GRIK2: variants seen among roughly 807,000 people sequenced by gnomAD.
GRIK2 encodes glutamate receptor ionotropic, kainate 2.
In GRIK2, 32 loss-of-function variants were observed where a neutral mutation model predicts 100.3. That is an observed-to-expected ratio of 0.32 (90% CI 0.24 to 0.43). GRIK2 has a LOEUF of 0.43. Among genes scored for constraint, GRIK2 ranks in the 20% least tolerant of loss-of-function variants. The probability of loss-of-function intolerance (pLI) is 1.00; values close to 1 mark genes in which losing one functional copy is unlikely to be tolerated. For synonymous variants in GRIK2, 417 were observed against 389.4 expected (o/e 1.07, Z -0.83); for missense variants, 843 against 1,114.9 (o/e 0.76, Z 3.47).
chr6:101,985,560 A>G (rs1446832180), intron 14 of GRIK2, among the ~76,000 whole-genome samples: 1 of 151,746 alleles, frequency 6.6e-6, no homozygotes, highest in Non-Finnish European at 1.5e-5. Context: ...AGCTTTGCTT[A>G]GTGAAGCACA....
At chr6:101,405,504 T>C (rs1238132626) in intron 2 of GRIK2, among the ~76,000 whole-genome samples, 1 of 152,230 alleles carries the variant, frequency 6.6e-6, no homozygotes, top group Non-Finnish European at 1.5e-5. Flanking sequence ...TTGGTATTTT[T>C]TCATATAAAG....
At chr6:101,947,536 G>A (rs1186407837) in intron 14 of GRIK2, among the ~76,000 whole-genome samples, 1 of 152,064 alleles carries the variant, frequency 6.6e-6, no homozygotes, top group Non-Finnish European at 1.5e-5. Flanking sequence ...CATGCTAATG[G>A]CATTCAGCTC....
intron 10 of GRIK2, among the ~76,000 whole-genome samples, chr6:101,850,115 G>T (rs542983378): frequency 6.6e-6 from 1 of 151,942 alleles, no homozygotes. Flanking sequence ...TCTCAAAAAC[G>T]TAGCCTGTGA....
chr6:101,974,215 C>T (rs1375135323), intron 14 of GRIK2, among the ~76,000 whole-genome samples: 1 of 151,202 alleles, frequency 6.6e-6, no homozygotes, highest in Non-Finnish European at 1.5e-5. Context: ...TTATAAAGTA[C>T]CAAACAAAAA....
intron 12 of GRIK2, among the ~76,000 whole-genome samples, chr6:101,901,824 A>C (rs569520444): frequency 2.8e-4 from 43 of 152,130 alleles, no homozygotes; most frequent in African/African-American, 1.0e-3. Context: ...CATATTACAA[A>C]TCAGTAGAAC....
At chr6:101,572,501 A>G (rs1234393353) in intron 2 of GRIK2, among the ~76,000 whole-genome samples, 1 of 152,122 alleles carries the variant, frequency 6.6e-6, no homozygotes, top group African/African-American at 2.4e-5. Flanking sequence ...TATGATTAAA[A>G]AGAGGGGAAC....
chr6:102,016,017 TTAAC>T (rs1337015723), intron 14 of GRIK2, among the ~76,000 whole-genome samples: 1 of 152,068 alleles, frequency 6.6e-6, no homozygotes, highest in Admixed American at 6.5e-5. Flanking sequence ...GGCAGCAACT[TTAAC>T]TACTGAAGGA....
At chr6:101,729,426 C>T (rs752251839) in intron 7 of GRIK2, among the ~76,000 whole-genome samples, 3 of 151,888 alleles carry the variant, frequency 2.0e-5, no homozygotes, top group African/African-American at 7.2e-5. Context: ...ATCATTGCAA[C>T]TCCTTGGCTA....
chr6:101,399,432 C>A, intron 2 of GRIK2, 40 bp downstream of exon 2: 4 of 990,316 alleles, frequency 4.0e-6, no homozygotes, highest in Non-Finnish European at 6.6e-6. Context: ...GGTATCCGCT[C>A]CCAGGCAGCC....
Position 101,742,497 on chromosome 6 carries a change from C to A in GRIK2, c.951+56144C>A, listed in dbSNP as rs181687580. Among the ~76,000 whole-genome samples the A allele has an allele frequency of 2.0e-5, 3 of 152,098 alleles. No homozygotes were observed. In the South Asian group the frequency reaches 6.2e-4, roughly 32 times the overall value. Reference sequence around the variant, plus strand: ...CAGCCCTTAAGAGGTCCTGAGAACACGTCCTCAAGGTGGTCGGGGTGCAGC... The same window carrying A: ...CAGCCCTTAAGAGGTCCTGAGAACAAGTCCTCAAGGTGGTCGGGGTGCAGC... On this transcript the variant is annotated intron_variant, in intron 7 of 16. Transcript: ENST00000369134.
intron 2 of GRIK2, among the ~76,000 whole-genome samples, chr6:101,545,495 GT>G (rs1350498084): frequency 6.6e-6 from 1 of 152,042 alleles, no homozygotes; most frequent in Admixed American, 6.6e-5. Context: ...AATACAGAGA[GT>G]TTTTTTGAAA....
chr6:101,794,632 T>C (rs1362108926), intron 7 of GRIK2, among the ~76,000 whole-genome samples: 1 of 151,904 alleles, frequency 6.6e-6, no homozygotes, highest in Non-Finnish European at 1.5e-5. Context: ...ATATCCTGAT[T>C]TTTTTTTCTT....
intron 11 of GRIK2, among the ~76,000 whole-genome samples, chr6:101,883,112 G>A (rs1786371771): frequency 6.6e-6 from 1 of 151,666 alleles, no homozygotes; most frequent in Admixed American, 6.6e-5. Flanking sequence ...AGAAACAGTG[G>A]GCTGAAGTTG....
chr6:102,055,359 G>A lies in GRIK2; in HGVS notation c.2341G>A (p.Ala781Thr). The A allele has an allele frequency of 1.2e-6, 2 of 1,611,242 alleles. No individual in the cohort carries two copies. The highest frequency in any genetic ancestry group is 1.7e-6 in the Non-Finnish European group (2 of 1,177,608). ...TCCATATCGAGACAAAATTACCATA[G>A]CAATTCTTCAGCTGCAAGAGGAAGG... is the stretch of plus-strand genomic sequence containing the variant. ...GSPYRDKITI[A>T]ILQLQEEGKL... Residue 781 changes from alanine to threonine, a missense_variant, in exon 16 of 17, where the codon GCA (alanine) becomes ACA (threonine). Physicochemically the swap from Ala to Thr is moderately conservative, Grantham distance 58 (BLOSUM62 0). This residue lies in a region of GRIK2 where 237 missense variants were observed against 388.0 expected (regional missense o/e 0.61). Coordinates refer to ENST00000369134, the MANE Select transcript of GRIK2 (RefSeq NM_021956.5).
At chr6:101,409,064 TTA>T (rs1775740577) in intron 2 of GRIK2, among the ~76,000 whole-genome samples, 2 of 152,154 alleles carry the variant, frequency 1.3e-5, no homozygotes, top group South Asian at 2.1e-4. Context: ...TCTCAATGTT[TTA>T]TGTTTAGTTC....
intron 2 of GRIK2, among the ~76,000 whole-genome samples, chr6:101,507,381 A>G (rs1159859051): frequency 6.6e-6 from 1 of 152,050 alleles, no homozygotes; most frequent in Non-Finnish European, 1.5e-5. Context: ...AATACCCATG[A>G]TATTATTTTA....
chr6:102,069,112 C>G lies in GRIK2; in HGVS notation c.*601C>G, dbSNP rs1772150606. 1 of 150,346 alleles carries G rather than the reference C, an allele frequency of 6.7e-6. No individual in the cohort carries two copies. Among genetic ancestry groups the G allele is most frequent in the Non-Finnish European group, 1.5e-5 (1 of 67,630 alleles). The allele number at this position is 150,346 out of a possible 1,614,324, so 9.3% of individuals were successfully genotyped here. On this transcript the variant is annotated 3_prime_UTR_variant, in exon 17 of 17. Transcript: ENST00000369134. ...TGGAATATAAAGCAGATGTTCATCA[C>G]TTATTTTCCTTTTTTCTTTTCTTAT...
At chr6:101,588,656 A>ACACACGCACACG (rs554445634) in intron 2 of GRIK2, among the ~76,000 whole-genome samples, 2 of 143,130 alleles carry the variant, frequency 1.4e-5, no homozygotes, top group African/African-American at 5.2e-5. Flanking sequence ...ACTGCATGAC[A>ACACACGCACACG]CACACGCACA....
intron 2 of GRIK2, among the ~76,000 whole-genome samples, chr6:101,570,881 C>G (rs957175475): frequency 6.6e-6 from 1 of 152,092 alleles, no homozygotes; most frequent in Non-Finnish European, 1.5e-5. Flanking sequence ...TCCTTATTAA[C>G]TTTTCCGTGA....
Sources: allele counts gnomAD v4.1 joint callset (sites outside exome capture counted in the v4.1 genomes callset), GRCh38; gene constraint gnomAD v4.1.1; regional missense constraint gnomAD v4.1.1; transcripts MANE v1.5; gene names NCBI Gene and HGNC (gene_info 2026-07-23, HGNC 2026-07-21).